The following ITIH3 variants were observed in gnomAD, a reference collection of about 807,000 sequenced individuals.
ITIH3 encodes the protein inter-alpha-trypsin inhibitor heavy chain 3.
ITIH3 carries 81 observed loss-of-function variants against 96.5 expected under a neutral mutation model. The ratio of observed to expected loss-of-function variants is 0.84; its 90% confidence interval spans 0.70 to 1.01. The LOEUF (loss-of-function observed/expected upper bound fraction) is 1.01. Among genes scored for constraint, ITIH3 ranks in the 50% least tolerant of loss-of-function variants. ITIH3 has a pLI of 0.00. For synonymous variants in ITIH3, 422 were observed against 445.2 expected (o/e 0.95, Z 0.66); for missense variants, 1,057 against 1,139.3 (o/e 0.93, Z 1.04).
chr3:52,796,953 A>G (rs996808264), intron 4 of ITIH3, 110 bp downstream of exon 4: 1 of 1,191,524 alleles, frequency 8.4e-7, no homozygotes, highest in African/African-American at 1.5e-5. Context: ...TGTGCCCATA[A>G]TTTTGCCATT....
rs769444762 is a variant in ITIH3, at chr3:52,799,803, T to C, written c.957T>C (p.Tyr319=). Residue 319 remains tyrosine (Y), a synonymous_variant, in exon 9 of 22, where the codon TAT becomes TAC. Coordinates refer to ENST00000449956, the MANE Select transcript of ITIH3 (RefSeq NM_002217.4). Reference sequence around the variant, plus strand: ...TGGAAGATATGCAAGAGGAAGACTATCTGAATTTCATCCTGTTCAGTGGAG... The same window carrying C: ...TGGAAGATATGCAAGAGGAAGACTACCTGAATTTCATCCTGTTCAGTGGAG... The part of the protein sequence containing the change: ...RILEDMQEED[Y]LNFILFSGDV... The C allele has an allele frequency of 6.2e-7, 1 of 1,613,786 alleles. No homozygotes were observed. The highest frequency in any genetic ancestry group is 2.2e-5 in the East Asian group (1 of 44,874).
At chr3:52,796,957 T>G (rs1413908438) in intron 4 of ITIH3, 114 bp downstream of exon 4, 3 of 1,195,470 alleles carry the variant, frequency 2.5e-6, no homozygotes, top group South Asian at 3.1e-5. Context: ...CCCATAATTT[T>G]GCCATTATCC....
chr3:52,803,472 C>A (rs1699922951), intron 13 of ITIH3, among the ~76,000 whole-genome samples: 1 of 151,926 alleles, frequency 6.6e-6, no homozygotes, highest in South Asian at 2.1e-4. Flanking sequence ...GCATGCACCA[C>A]CATGCCTGGC....
intron 11 of ITIH3, 80 bp downstream of exon 11, chr3:52,801,226 AGTTAT>A: frequency 7.9e-7 from 1 of 1,273,096 alleles, no homozygotes; most frequent in Non-Finnish European, 1.1e-6. Flanking sequence ...TGACAGTTCT[AGTTAT>A]TAGGAAGAGC....
rs573634938 is a variant in ITIH3 at position 52,801,079 on chromosome 3, T to C, written c.1316T>C (p.Met439Thr). ...NNLNYNFLEN[M>T]ALENHGFARR... ...CTGAATTATAACTTCCTGGAGAACATGGCCCTGGAGAACCATGGGTTTGCC... is the reference window on the plus strand; with the variant it reads ...CTGAATTATAACTTCCTGGAGAACACGGCCCTGGAGAACCATGGGTTTGCC... The change falls in exon 11 of 22, where the codon ATG becomes ACG. Residue 439 changes from methionine (M) to threonine (T), a missense_variant. By Grantham distance (81) the Met-to-Thr change is moderately conservative. Transcript: ENST00000449956. 3 of 1,611,548 alleles carry C rather than the reference T, an allele frequency of 1.9e-6. No homozygotes were observed. Among genetic ancestry groups the C allele is most frequent in the East Asian group, 2.2e-5 (1 of 44,886 alleles).
At chr3:52,794,932 T>C in intron 1 of ITIH3, 36 bp downstream of exon 1, 1 of 1,535,790 alleles carries the variant, frequency 6.5e-7, no homozygotes, top group Non-Finnish European at 9.0e-7. Flanking sequence ...TGGGTCTTGG[T>C]GTGGAATGGG....
chr3:52,802,244 G>A (rs1486069116), intron 11 of ITIH3, 90 bp from the exon 12 acceptor site: 7 of 1,370,144 alleles, frequency 5.1e-6, no homozygotes, highest in South Asian at 2.7e-5. Context: ...CCATTAGGAC[G>A]GGCCCAGCCC....
chr3:52,806,159 C>T (rs754282511), intron 17 of ITIH3, 21 bp downstream of exon 17: 31 of 1,600,972 alleles, frequency 1.9e-5, no homozygotes, highest in Admixed American at 6.9e-5. Flanking sequence ...GGCTGCTCCT[C>T]GGGAAGGCTC....
At chr3:52,804,859 GC>G in intron 15 of ITIH3, 125 bp downstream of exon 15, 1 of 1,076,326 alleles carries the variant, frequency 9.3e-7, no homozygotes, top group Non-Finnish European at 1.4e-6. Context: ...CTGGGCTCAG[GC>G]CCAGCCCTAT....
At chr3:52,801,777 G>A (rs2710337) in intron 11 of ITIH3, among the ~76,000 whole-genome samples, 18,598 of 152,166 alleles carry the variant, frequency 0.12, 3,426 homozygotes, top group African/African-American at 0.4. Context: ...TTAGGAGTAC[G>A]CTATTCAACC....
chr3:52,803,381 G>T (rs1311165887), intron 13 of ITIH3, among the ~76,000 whole-genome samples: 8 of 144,692 alleles, frequency 5.5e-5, no homozygotes, highest in African/African-American at 1.8e-4. Context: ...TGCAGTGGCG[G>T]GATCTCGGCT....
Position 52,801,009 on chromosome 3 carries a change from ATCGGGGG to A in ITIH3, c.1247_1253del (p.Ile416ThrfsTer14). ...AATCCAAGAGAATGTGCGGAATGCC[ATCGGGGG>A]CAAGTTCCCCTTGTATAACCTGGGC... On this transcript the variant is annotated frameshift_variant, in exon 11 of 22. Transcript: ENST00000449956. LOFTEE classifies it high-confidence loss of function. 6.2e-7 allele frequency: 1 copy of A among 1,614,062 alleles called. No homozygotes were observed. The highest frequency in any genetic ancestry group is 1.7e-5 in the Admixed American group (1 of 60,026).
chr3:52,795,469 TG>T, intron 1 of ITIH3, 133 bp from the exon 2 acceptor site: 2 of 876,166 alleles, frequency 2.3e-6, no homozygotes, highest in Non-Finnish European at 3.6e-6. Flanking sequence ...GTCCTATGTC[TG>T]GGGGCCACTC....
chr3:52,807,168 G>A, intron 19 of ITIH3, 63 bp downstream of exon 19: 3 of 1,414,028 alleles, frequency 2.1e-6, no homozygotes, highest in Non-Finnish European at 2.9e-6. Context: ...AGGCTCTTGA[G>A]GGATTTAGAA....
In ITIH3 at chr3:52,794,870, C is replaced by T. The variant is rs1699516605; in HGVS notation, c.67C>T (p.Pro23Ser). The change falls in exon 1 of 22, where the codon CCG (proline) becomes TCG (serine). Residue 23 changes from proline (P) to serine (S), a missense_variant. By Grantham distance (74) the Pro-to-Ser change is moderately conservative. Coordinates refer to ENST00000449956, the MANE Select transcript of ITIH3 (RefSeq NM_002217.4). Reference sequence around the variant, plus strand: ...CTCCAGCTTGGCAGCCTCTGGCTTCCCGAGAAGCCCCTTTCGGCTGCTTGG... The same window carrying T: ...CTCCAGCTTGGCAGCCTCTGGCTTCTCGAGAAGCCCCTTTCGGCTGCTTGG... ...LLSSLAASGF[P>S]RSPFRLLGKR... 2 of 1,613,958 alleles carry T rather than the reference C, an allele frequency of 1.2e-6. No homozygotes were observed. Among genetic ancestry groups the T allele is most frequent in the Non-Finnish European group, 1.7e-6 (2 of 1,179,856 alleles).
chr3:52,805,929 C>A, intron 16 of ITIH3, 89 bp downstream of exon 16: 1 of 1,566,554 alleles, frequency 6.4e-7, no homozygotes, highest in Non-Finnish European at 8.7e-7. Context: ...TCACTCAGCT[C>A]TCCGGGATGG....
chr3:52,802,795 G>A lies in ITIH3; in HGVS notation c.1698G>A (p.Leu566=). 6.2e-7 allele frequency: 1 copy of A among 1,613,948 alleles called. No individual in the cohort carries two copies. Among genetic ancestry groups the A allele is most frequent in the African/African-American group, 1.3e-5 (1 of 75,062 alleles). ...GGGCCTACCTCACCATTGAGCAGCT[G>A]CTGGAGAAGCGGTGAGCAGAGTCCC... is the stretch of plus-strand genomic sequence containing the variant. ...RLWAYLTIEQ[L]LEKRKNAHGE... is the part of the protein sequence containing the mutation. Residue 566 remains leucine (L), a synonymous_variant, in exon 13 of 22, where the codon CTG becomes CTA. Transcript: ENST00000449956.
Position 52,799,748 on chromosome 3 carries a change from T to C in ITIH3, c.907-5T>C. 1 of 1,608,888 alleles carries C rather than the reference T, an allele frequency of 6.2e-7. No individual in the cohort carries two copies. The highest frequency in any genetic ancestry group is 8.5e-7 in the Non-Finnish European group (1 of 1,178,038). On this transcript the variant is annotated splice_polypyrimidine_tract_variant and splice_region_variant and intron_variant, in intron 8 of 21. Coordinates refer to ENST00000449956, the MANE Select transcript of ITIH3 (RefSeq NM_002217.4). ...GCTTCTCCCAGCTCTTTGTCTCTCCTCCAGACAAAGGAGGCCCTTCTCAGA... is the reference window on the plus strand; with the variant it reads ...GCTTCTCCCAGCTCTTTGTCTCTCCCCCAGACAAAGGAGGCCCTTCTCAGA...
rs758523734 is a variant in ITIH3, at chr3:52,796,521, C to A, written c.155C>A (p.Ser52Tyr). 3 of 1,613,384 alleles carry A rather than the reference C, an allele frequency of 1.9e-6. No homozygotes were observed. The highest frequency in any genetic ancestry group is 2.5e-6 in the Non-Finnish European group (3 of 1,179,808). Residue 52 changes from serine (S) to tyrosine (Y), a missense_variant, in exon 3 of 22, where the codon TCC becomes TAC. Transcript: ENST00000449956. ...GIEVYSTKIN[S>Y]KVTSRFAHNV... ...GAGGTCTACAGTACCAAAATCAACT[C>A]CAAGGTGACCTCCCGTTTTGCTCAC...
Sources: allele counts gnomAD v4.1 joint callset (sites outside exome capture counted in the v4.1 genomes callset), GRCh38; gene constraint gnomAD v4.1.1; transcripts MANE v1.5; gene names NCBI Gene and HGNC (gene_info 2026-07-23, HGNC 2026-07-21).